UST: variants seen among roughly 807,000 people sequenced by gnomAD.
The protein encoded by UST is uronyl 2-sulfotransferase, also known as chondroitin sulfate 2-O-sulfotransferase.
UST carries 21 observed loss-of-function variants against 45.6 expected under a neutral mutation model. That is an observed-to-expected ratio of 0.46 (90% CI 0.33 to 0.66). The LOEUF (loss-of-function observed/expected upper bound fraction) is 0.66. UST is among the 30% of genes least tolerant of loss of function. UST has a pLI of 0.02. For synonymous variants in UST, 215 were observed against 200.6 expected (o/e 1.07, Z -0.61); for missense variants, 463 against 512.4 (o/e 0.90, Z 0.93).
chr6:148,813,434 T>A (rs1186355225), intron 1 of UST, among the ~76,000 whole-genome samples: 1 of 151,366 alleles, frequency 6.6e-6, no homozygotes, highest in Non-Finnish European at 1.5e-5. Flanking sequence ...CAGGCTGGAG[T>A]GCAGTGGCAC....
At chr6:149,031,631 T>C (rs1436709078) in intron 7 of UST, among the ~76,000 whole-genome samples, 1 of 152,246 alleles carries the variant, frequency 6.6e-6, no homozygotes, top group Admixed American at 6.5e-5. Flanking sequence ...AAAATAGAAC[T>C]TCCTTCACAG....
At chr6:148,916,553 T>C (rs1173808708) in intron 2 of UST, among the ~76,000 whole-genome samples, 2 of 152,192 alleles carry the variant, frequency 1.3e-5, no homozygotes, top group Non-Finnish European at 2.9e-5. Flanking sequence ...TGGCGGATCT[T>C]AGCCCAGGAA....
intron 5 of UST, among the ~76,000 whole-genome samples, chr6:148,989,253 T>G (rs1781303209): frequency 7.6e-6 from 1 of 131,226 alleles, no homozygotes; most frequent in African/African-American, 2.9e-5. Context: ...TTAAAAAGTT[T>G]AAAAATTCAA....
At chr6:148,862,076 T>C (rs1778327520) in intron 1 of UST, among the ~76,000 whole-genome samples, 1 of 150,244 alleles carries the variant, frequency 6.7e-6, no homozygotes, top group African/African-American at 2.5e-5. Flanking sequence ...CTCATGGATC[T>C]GTCTAATGTT....
intron 1 of UST, among the ~76,000 whole-genome samples, chr6:148,765,967 A>G (rs1776314391): frequency 6.6e-6 from 1 of 152,196 alleles, no homozygotes; most frequent in South Asian, 2.1e-4. Context: ...TCCATTCAGT[A>G]TGATGTTGGC....
chr6:149,022,915 C>T (rs1775999173), intron 7 of UST, among the ~76,000 whole-genome samples: 1 of 152,160 alleles, frequency 6.6e-6, no homozygotes, highest in Non-Finnish European at 1.5e-5. Flanking sequence ...GTCTTTTCAA[C>T]AACAAGCCAT....
intron 4 of UST, among the ~76,000 whole-genome samples, chr6:148,959,986 G>A (rs1393580043): frequency 6.6e-6 from 1 of 151,992 alleles, no homozygotes; most frequent in Non-Finnish European, 1.5e-5. Context: ...CTCCAGCAAA[G>A]GGCCCTTTAA....
chr6:148,853,628 T>C (rs1004391052), intron 1 of UST, among the ~76,000 whole-genome samples: 1 of 152,224 alleles, frequency 6.6e-6, no homozygotes, highest in African/African-American at 2.4e-5. Flanking sequence ...CATCTGTTCT[T>C]TCTTGAGTTT....
rs145135618 is a variant in UST at position 149,058,933 on chromosome 6, G to A, written c.938-14900G>A. Among the ~76,000 whole-genome samples the A allele has an allele frequency of 5.6e-3, 848 of 152,234 alleles. 5 individuals are homozygous for A. Among genetic ancestry groups the A allele is most frequent in the Non-Finnish European group, 8.3e-3 (566 of 68,028 alleles). On this transcript the variant is annotated intron_variant, in intron 7 of 7. Transcript: ENST00000367463. ...CACATACTTTCAAACAAATTTTACCGTAGCACATACTTTCAAACAAATATG... is the reference window on the plus strand; with the variant it reads ...CACATACTTTCAAACAAATTTTACCATAGCACATACTTTCAAACAAATATG...
At chr6:148,865,167 G>A (rs1282546089) in intron 1 of UST, among the ~76,000 whole-genome samples, 1 of 152,162 alleles carries the variant, frequency 6.6e-6, no homozygotes. Flanking sequence ...TGTTTGGTGT[G>A]GCATGTTTAA....
At chr6:148,805,074 G>T (rs139305781) in intron 1 of UST, among the ~76,000 whole-genome samples, 1 of 151,918 alleles carries the variant, frequency 6.6e-6, no homozygotes, top group African/African-American at 2.4e-5. Flanking sequence ...TGAGTTTCAC[G>T]TGATGAAAAT....
chr6:148,852,738 C>T (rs1778130270), intron 1 of UST, among the ~76,000 whole-genome samples: 1 of 152,172 alleles, frequency 6.6e-6, no homozygotes. Flanking sequence ...AGCATCTTCC[C>T]CGGGAATCCT....
chr6:148,851,878 G>A (rs943901933), intron 1 of UST, among the ~76,000 whole-genome samples: 7 of 152,252 alleles, frequency 4.6e-5, no homozygotes, highest in African/African-American at 1.4e-4. Flanking sequence ...GAAGTGGCTG[G>A]TGTTGACTGC....
chr6:149,065,906 A>G (rs943281969), intron 7 of UST, among the ~76,000 whole-genome samples: 1 of 152,208 alleles, frequency 6.6e-6, no homozygotes, highest in Non-Finnish European at 1.5e-5. Flanking sequence ...CATTGTTTAT[A>G]TAAACTGTTC....
chr6:148,865,710 G>C (rs1562281728), intron 1 of UST, among the ~76,000 whole-genome samples: 1 of 101,410 alleles, frequency 9.9e-6, no homozygotes, highest in African/African-American at 3.8e-5. Context: ...GTGTGTGTGT[G>C]TGTGAATTCA....
At chr6:148,785,908 G>T (rs1458708911) in intron 1 of UST, among the ~76,000 whole-genome samples, 1 of 152,116 alleles carries the variant, frequency 6.6e-6, no homozygotes, top group Non-Finnish European at 1.5e-5. Flanking sequence ...AACCATCATT[G>T]GATATACAGA....
chr6:148,758,732 G>T (rs1245819794), intron 1 of UST, among the ~76,000 whole-genome samples: 1 of 152,172 alleles, frequency 6.6e-6, no homozygotes, highest in Non-Finnish European at 1.5e-5. Context: ...GCCTTGCTCT[G>T]TTAGCCTCCA....
chr6:148,826,959 T>C (rs1452625999), intron 1 of UST, among the ~76,000 whole-genome samples: 1 of 152,142 alleles, frequency 6.6e-6, no homozygotes, highest in African/African-American at 2.4e-5. Flanking sequence ...CGGGCCCACC[T>C]AGATAATCCA....
intron 5 of UST, among the ~76,000 whole-genome samples, chr6:148,997,022 T>A (rs1781465767): frequency 6.6e-6 from 1 of 152,252 alleles, no homozygotes. Context: ...TGGCACCAGA[T>A]AATGAACATA....
Sources: gnomAD v4.1 joint callset for allele counts (sites outside exome capture counted in the v4.1 genomes callset) on GRCh38, gnomAD v4.1.1 for gene constraint, MANE v1.5 for transcripts, NCBI Gene and HGNC (gene_info 2026-07-23, HGNC 2026-07-21) for gene names.